Variants in UGT1A6 observed in about 807,000 individuals in gnomAD.
The protein encoded by UGT1A6 is UDP glucuronosyltransferase family 1 member A6, also known as UDP-glucuronosyltransferase 1A6.
Under a neutral mutation model 44.4 loss-of-function variants are expected in UGT1A6, and 32 were observed. The observed-to-expected ratio is 0.72, with a 90% CI of 0.54 to 0.97. The LOEUF (loss-of-function observed/expected upper bound fraction) is 0.97, where lower values mean the gene tolerates loss of function less well. Ranked by LOEUF, UGT1A6 falls within the 50% of genes least tolerant of loss-of-function variation. The pLI is 0.00. For synonymous variants in UGT1A6, 238 were observed against 248.5 expected (o/e 0.96, Z 0.40); for missense variants, 685 against 661.9 (o/e 1.03, Z -0.38).
At position 233,768,432 on chromosome 2, in the gene UGT1A6, G is replaced by C; in HGVS notation, c.1294G>C (p.Asp432His). 6.2e-7 allele frequency: 1 copy of C among 1,613,814 alleles called. No individual in the cohort carries two copies. Among genetic ancestry groups the C allele is most frequent in the Non-Finnish European group, 8.5e-7 (1 of 1,179,896 alleles). The change falls in exon 4 of 5, where the codon GAC becomes CAC. Residue 432 changes from aspartate to histidine, a missense_variant. Physicochemically the swap from Asp to His is moderately conservative, Grantham distance 81. Coordinates refer to ENST00000305139, the MANE Select transcript of UGT1A6 (RefSeq NM_001072.4). ...AAATGCTCTAAAAGCAGTCATCAAT[G>C]ACAAAAGGTAAGAAAGAAGATACAG... is the stretch of plus-strand genomic sequence containing the variant. The part of the protein sequence containing the change: ...LENALKAVIN[D>H]KSYKENIMRL...
intron 1 of UGT1A6, among the ~76,000 whole-genome samples, chr2:233,717,415 G>T (rs565971108): frequency 6.6e-6 from 1 of 152,182 alleles, no homozygotes; most frequent in Admixed American, 6.5e-5. Flanking sequence ...TGCCTCCCTT[G>T]AGCTGGGTGT....
chr2:233,702,773 G>A (rs1177532005), intron 1 of UGT1A6, among the ~76,000 whole-genome samples: 1 of 152,128 alleles, frequency 6.6e-6, no homozygotes, highest in Non-Finnish European at 1.5e-5. Flanking sequence ...TAATTGATTT[G>A]CAGGTGTAAA....
intron 1 of UGT1A6, among the ~76,000 whole-genome samples, chr2:233,694,575 T>C (rs1453621586): frequency 1.3e-5 from 2 of 152,230 alleles, no homozygotes; most frequent in Non-Finnish European, 2.9e-5. Context: ...AATTTCAATG[T>C]AAATATTTAC....
chr2:233,755,298 C>T (rs1354075673), intron 1 of UGT1A6: 3 of 620,036 alleles, frequency 4.8e-6, no homozygotes, highest in Non-Finnish European at 7.5e-6. Context: ...CTGCGGGGCA[C>T]TGGCACAGCG....
intron 1 of UGT1A6, among the ~76,000 whole-genome samples, chr2:233,696,803 G>A (rs1216746624): frequency 1.3e-5 from 2 of 152,130 alleles, no homozygotes; most frequent in African/African-American, 4.8e-5. Flanking sequence ...TGTTCCTTCT[G>A]TAGCCAGTTT....
intron 1 of UGT1A6, among the ~76,000 whole-genome samples, chr2:233,764,353 CCTCATAGTAGCTGG>C (rs1280586461): frequency 1.6e-4 from 25 of 152,240 alleles, no homozygotes; most frequent in Non-Finnish European, 2.8e-4. Context: ...CTTTATTGAG[CCTCATAGTAGCTGG>C]CTCAGGTAGG....
At position 233,732,107 on chromosome 2, in the gene UGT1A6, C is replaced by A. The variant is rs564332248; in HGVS notation, c.862-34927C>A. Among the ~76,000 whole-genome samples the A allele has an allele frequency of 2.0e-5, 3 of 151,486 alleles. No individual in the cohort carries two copies. In the East Asian group the frequency reaches 5.8e-4, roughly 29 times the overall value. On this transcript the variant is annotated intron_variant, in intron 1 of 4. Coordinates refer to ENST00000305139, the MANE Select transcript of UGT1A6 (RefSeq NM_001072.4). The stretch of plus-strand genomic sequence containing the variant: ...TCTTTTGAGAAGTGTCTGTTCATAT[C>A]CTTTGCCCACTTTTTGATGAGGTTG...
intron 1 of UGT1A6, among the ~76,000 whole-genome samples, chr2:233,735,726 A>G (rs1434369558): frequency 5.9e-5 from 9 of 152,086 alleles, no homozygotes; most frequent in Admixed American, 5.9e-4. Flanking sequence ...ATCTCTCAGC[A>G]TTTGCTTGTC....
At chr2:233,760,220 G>A (rs1697349973) in intron 1 of UGT1A6, 6 of 1,593,686 alleles carry the variant, frequency 3.8e-6, no homozygotes, top group African/African-American at 1.4e-5. Flanking sequence ...TTGGTGTATC[G>A]ATTGGTTTTT....
At position 233,769,833 on chromosome 2, in the gene UGT1A6, G is replaced by A. The variant is rs567832844; in HGVS notation, c.1301+1394G>A. The A allele has an allele frequency of 4.3e-4, 293 of 685,174 alleles. No homozygotes were observed. The African/African-American group carries it at 5.2e-3, about 12-fold the overall frequency. The allele number at this position is 685,174 out of a possible 1,614,324, so 42.4% of individuals were successfully genotyped here. On this transcript the variant is annotated intron_variant, in intron 4 of 4. Coordinates refer to ENST00000305139, the MANE Select transcript of UGT1A6 (RefSeq NM_001072.4). The surrounding 1 kb of genome is among the most constrained non-coding windows in gnomAD (Gnocchi z 4.4). ...TCATGCCACTGCACTCCAGCAACCT[G>A]GGCAACAGAGTGAGACCCTGTCTCA...
chr2:233,748,145 T>A, intron 1 of UGT1A6: 1 of 1,605,604 alleles, frequency 6.2e-7, no homozygotes, highest in Non-Finnish European at 8.5e-7. Flanking sequence ...TTGTATTTAC[T>A]TACAATTGCT....
At chr2:233,765,166 G>T (rs1228376175) in intron 1 of UGT1A6, among the ~76,000 whole-genome samples, 1 of 152,128 alleles carries the variant, frequency 6.6e-6, no homozygotes, top group Non-Finnish European at 1.5e-5. Flanking sequence ...CCCTCAGTTT[G>T]GGCAAGCCCT....
chr2:233,743,907 A>G, intron 1 of UGT1A6: 2 of 1,366,260 alleles, frequency 1.5e-6, no homozygotes, highest in Non-Finnish European at 2.0e-6. Flanking sequence ...ACCTCGTAGT[A>G]GTCCACCATG....
At chr2:233,695,048 C>T (rs1442838675) in intron 1 of UGT1A6, among the ~76,000 whole-genome samples, 2 of 152,134 alleles carry the variant, frequency 1.3e-5, no homozygotes, top group African/African-American at 2.4e-5. Context: ...TAACCATAGT[C>T]ACCCTACTGT....
At position 233,713,714 on chromosome 2, in the gene UGT1A6, A is replaced by G. The variant is rs191146485; in HGVS notation, c.861+19849A>G. On this transcript the variant is annotated intron_variant, in intron 1 of 4. Coordinates refer to ENST00000305139, the MANE Select transcript of UGT1A6 (RefSeq NM_001072.4). ...GCCTTGCCTCTGAGCTTTTTCAGAGAGAGGTGTCAGTGGTGGATCTTGTCA... is the reference window on the plus strand; with the variant it reads ...GCCTTGCCTCTGAGCTTTTTCAGAGGGAGGTGTCAGTGGTGGATCTTGTCA... 9.0e-5 allele frequency: 146 copies of G among 1,613,790 alleles called. 1 individual carries two copies. In the East Asian group the frequency reaches 2.9e-3, roughly 32 times the overall value.
intron 1 of UGT1A6, among the ~76,000 whole-genome samples, chr2:233,725,890 G>A (rs2077482116): frequency 6.6e-6 from 1 of 152,164 alleles, no homozygotes; most frequent in Admixed American, 6.5e-5. Context: ...TTTGTAGGCA[G>A]GTGGGTGGCT....
chr2:233,743,981 G>A, intron 1 of UGT1A6: 4 of 1,297,888 alleles, frequency 3.1e-6, no homozygotes, highest in Non-Finnish European at 3.0e-6. Context: ...CAGCACCCAG[G>A]CGCAGGCCCG....
intron 1 of UGT1A6, among the ~76,000 whole-genome samples, chr2:233,722,820 A>AT (rs1013250134): frequency 4.0e-5 from 6 of 148,234 alleles, no homozygotes; most frequent in Non-Finnish European, 9.0e-5. Context: ...TTTTCAAGTT[A>AT]TTTTGTATTA....
At chr2:233,742,694 A>G (rs1343342305) in intron 1 of UGT1A6, 1 of 152,520 alleles carries the variant, frequency 6.6e-6, no homozygotes, top group Admixed American at 6.5e-5. Context: ...CAGAGGGAAC[A>G]TGCTTCCACC....
Sources: gnomAD v4.1 joint callset for allele counts (sites outside exome capture counted in the v4.1 genomes callset) on GRCh38, gnomAD v4.1.1 for gene constraint, Gnocchi (gnomAD v3.1) non-coding constraint, MANE v1.5 for transcripts, NCBI Gene and HGNC (gene_info 2026-07-23, HGNC 2026-07-21) for gene names.